Variants in SCARB1 observed in about 807,000 individuals in gnomAD.
The protein encoded by SCARB1 is CD36 and LIMPII analogous 1.
Under a neutral mutation model 57.2 loss-of-function variants are expected in SCARB1, and 30 were observed. The observed-to-expected ratio is 0.52, with a 90% CI of 0.39 to 0.71. The LOEUF (loss-of-function observed/expected upper bound fraction) is 0.71, where lower values mean the gene tolerates loss of function less well. SCARB1 is among the 30% of genes least tolerant of loss of function. SCARB1 has a pLI of 0.00. For synonymous variants in SCARB1, 249 were observed against 268.3 expected (o/e 0.93, Z 0.70); for missense variants, 543 against 671.2 (o/e 0.81, Z 2.11).
Position 124,815,056 on chromosome 12 carries a change from C to T in SCARB1, c.343G>A (p.Glu115Lys). The T allele has an allele frequency of 3.1e-6, 5 of 1,614,176 alleles. No individual in the cohort carries two copies. The highest frequency in any genetic ancestry group is 3.4e-6 in the Non-Finnish European group (4 of 1,180,036). The change falls in exon 3 of 13, where the codon GAG becomes AAG. Residue 115 changes from glutamate to lysine, a missense_variant. Glu to Lys is a moderately conservative substitution (Grantham distance 56). Coordinates refer to ENST00000261693, the MANE Select transcript of SCARB1 (RefSeq NM_005505.5). The part of the protein sequence containing the change: ...FNNNDTVSFL[E>K]YRTFQFQPSK... ...GGCTGGAACTGGAAGGTGCGGTACTCGAGGAAGGACACGGTGTCGTTGTTG... is the reference window on the plus strand; with the variant it reads ...GGCTGGAACTGGAAGGTGCGGTACTTGAGGAAGGACACGGTGTCGTTGTTG...
At chr12:124,785,974 C>T in intron 11 of SCARB1, 1 of 1,250,430 alleles carries the variant, frequency 8.0e-7, no homozygotes. Flanking sequence ...CCCCCTCAAT[C>T]CCCCTGAGCA....
intron 1 of SCARB1, among the ~76,000 whole-genome samples, chr12:124,837,549 A>G (rs868173475): frequency 0.4 from 15,499 of 38,300 alleles, 1,818 homozygotes; most frequent in East Asian, 0.56. Context: ...AAAAGAAAAG[A>G]AAAGAAAAGA....
intron 9 of SCARB1, among the ~76,000 whole-genome samples, chr12:124,790,972 T>C (rs1949707372): frequency 6.6e-6 from 1 of 152,212 alleles, no homozygotes; most frequent in Non-Finnish European, 1.5e-5. Context: ...GTACAAGTAA[T>C]GTGGTTTATA....
At chr12:124,808,071 G>C in intron 6 of SCARB1, 144 bp from the exon 7 acceptor site, 1 of 768,710 alleles carries the variant, frequency 1.3e-6, no homozygotes. Context: ...TCTCACCCGC[G>C]GAGCTGCAGC....
intron 1 of SCARB1, among the ~76,000 whole-genome samples, chr12:124,845,948 G>C (rs1020561845): frequency 2.6e-5 from 4 of 152,032 alleles, no homozygotes; most frequent in Non-Finnish European, 5.9e-5. Flanking sequence ...GGAGGCGGAG[G>C]TTGCAGTGAG....
chr12:124,781,115 C>T (rs1873380465), intron 12 of SCARB1, among the ~76,000 whole-genome samples: 1 of 152,220 alleles, frequency 6.6e-6, no homozygotes, highest in Non-Finnish European at 1.5e-5. Context: ...GACTCCACCC[C>T]CTACTCCCAG....
chr12:124,828,524 G>A (rs984339616), intron 1 of SCARB1, among the ~76,000 whole-genome samples: 2 of 152,202 alleles, frequency 1.3e-5, no homozygotes, highest in Non-Finnish European at 2.9e-5. Flanking sequence ...GAATCGTCTG[G>A]ACGATCTGCC....
In SCARB1 at chr12:124,800,932, G is replaced by A. The variant is rs781229607; in HGVS notation, c.1010-690C>T. ...TCTCTCAAAAGCTCACGAGGGCCAG[G>A]CGCCATGGCTTACACCTGTAATCCC... On this transcript the variant is annotated intron_variant, in intron 7 of 12. Coordinates refer to ENST00000261693, the MANE Select transcript of SCARB1 (RefSeq NM_005505.5). The surrounding 1 kb of genome is among the most constrained non-coding windows in gnomAD (Gnocchi z 4.8). 6.6e-6 allele frequency among the ~76,000 whole-genome samples: 1 copy of A among 152,212 alleles called. No homozygotes were observed. Among genetic ancestry groups the A allele is most frequent in the African/African-American group, 2.4e-5 (1 of 41,452 alleles).
chr12:124,856,313 C>T (rs539716789), intron 1 of SCARB1, among the ~76,000 whole-genome samples: 3 of 152,322 alleles, frequency 2.0e-5, no homozygotes, highest in African/African-American at 4.8e-5. Flanking sequence ...ATCATCACGT[C>T]GTCACACATC....
At chr12:124,856,396 C>A (rs755286458) in intron 1 of SCARB1, among the ~76,000 whole-genome samples, 1 of 152,120 alleles carries the variant, frequency 6.6e-6, no homozygotes, top group Non-Finnish European at 1.5e-5. Context: ...GTACACACAC[C>A]AACACACGTG....
rs1594262293 is a variant in SCARB1 at position 124,810,054 on chromosome 12, A to C, written c.842+120T>G. ...ACCAAAGAGAATTCAAGCTGGTGCC[A>C]AGGGCTACTGAGTCAAATCCACGAT... On this transcript the variant is annotated intron_variant, in intron 6 of 12. Coordinates refer to ENST00000261693, the MANE Select transcript of SCARB1 (RefSeq NM_005505.5). The surrounding 1 kb of genome is among the most constrained non-coding windows in gnomAD (Gnocchi z 4.0). The C allele has an allele frequency of 1.4e-6, 1 of 711,158 alleles. No individual in the cohort carries two copies. Among genetic ancestry groups the C allele is most frequent in the East Asian group, 2.7e-5 (1 of 36,622 alleles). 44.1% of individuals were successfully genotyped at this position (711,158 alleles called of 1,614,324 possible).
chr12:124,778,921 C>A (rs1006610018), intron 12 of SCARB1, among the ~76,000 whole-genome samples: 1 of 152,140 alleles, frequency 6.6e-6, no homozygotes, highest in Non-Finnish European at 1.5e-5. Flanking sequence ...AAGCTCTGTC[C>A]CTCAGGAGGA....
intron 9 of SCARB1, among the ~76,000 whole-genome samples, chr12:124,794,742 C>T (rs989619909): frequency 1.3e-5 from 2 of 152,150 alleles, no homozygotes; most frequent in African/African-American, 4.8e-5. Flanking sequence ...ACCAGCCTGA[C>T]CAACATGGTG....
intron 7 of SCARB1, among the ~76,000 whole-genome samples, chr12:124,805,900 C>T (rs1950306530): frequency 1.3e-5 from 2 of 151,936 alleles, no homozygotes; most frequent in African/African-American, 2.4e-5. Flanking sequence ...CCGCTGCTGT[C>T]GGGAGTGCTA....
chr12:124,816,213 T>C (rs141160076), intron 2 of SCARB1, among the ~76,000 whole-genome samples: 15 of 150,396 alleles, frequency 1.0e-4, no homozygotes, highest in African/African-American at 3.1e-4. Context: ...TGCACAATAC[T>C]GATGGCTGCC....
chr12:124,810,064 G>C lies in SCARB1; in HGVS notation c.842+110C>G. ...ATTCAAGCTGGTGCCAAGGGCTACTGAGTCAAATCCACGATGAGTCAAAAT... is the reference window on the plus strand; with the variant it reads ...ATTCAAGCTGGTGCCAAGGGCTACTCAGTCAAATCCACGATGAGTCAAAAT... On this transcript the variant is annotated intron_variant, in intron 6 of 12. Coordinates refer to ENST00000261693, the MANE Select transcript of SCARB1 (RefSeq NM_005505.5). This position sits in a 1 kb window ranked among gnomAD's most constrained non-coding sequence, Gnocchi z 4.0. 1 of 735,784 alleles carries C rather than the reference G, an allele frequency of 1.4e-6. No individual in the cohort carries two copies. The highest frequency in any genetic ancestry group is 2.4e-6 in the Non-Finnish European group (1 of 414,114). The allele number at this position is 735,784 out of a possible 1,614,324, so 45.6% of individuals were successfully genotyped here.
rs1950019147 is a variant in SCARB1, at chr12:124,798,364, T to C, written c.1128+1760A>G. 2.6e-5 allele frequency among the ~76,000 whole-genome samples: 4 copies of C among 151,948 alleles called. 1 individual carries two copies. In the South Asian group the frequency reaches 6.2e-4, roughly 24 times the overall value. Reference sequence around the variant, plus strand: ...AGGCAGAGGTTGCAGGGAGCCACGATCATGCCACTGCACTCCAGCCTGGGT... The same window carrying C: ...AGGCAGAGGTTGCAGGGAGCCACGACCATGCCACTGCACTCCAGCCTGGGT... On this transcript the variant is annotated intron_variant, in intron 8 of 12. Transcript: ENST00000261693.
At chr12:124,819,532 G>A (rs774151925) in intron 1 of SCARB1, among the ~76,000 whole-genome samples, 4 of 150,938 alleles carry the variant, frequency 2.7e-5, no homozygotes, top group Non-Finnish European at 4.4e-5. Context: ...AGTGTCACAG[G>A]GAGGTCCCCC....
intron 1 of SCARB1, among the ~76,000 whole-genome samples, chr12:124,834,889 C>T (rs1951568488): frequency 6.6e-6 from 1 of 152,166 alleles, no homozygotes; most frequent in Non-Finnish European, 1.5e-5. Context: ...GGCTGCACAA[C>T]AGAGCAAGAC....
Sources: gnomAD v4.1 joint callset for allele counts (sites outside exome capture counted in the v4.1 genomes callset) on GRCh38, gnomAD v4.1.1 for gene constraint, Gnocchi (gnomAD v3.1) non-coding constraint, MANE v1.5 for transcripts, NCBI Gene and HGNC (gene_info 2026-07-23, HGNC 2026-07-21) for gene names.